The following DAB1 variants were observed in gnomAD, a reference collection of about 807,000 sequenced individuals.
DAB1 encodes the protein DAB adaptor protein 1, also known as disabled homolog 1.
Under a neutral mutation model 64.6 loss-of-function variants are expected in DAB1, and 15 were observed. The ratio of observed to expected loss-of-function variants is 0.23; its 90% confidence interval spans 0.16 to 0.36. The LOEUF (loss-of-function observed/expected upper bound fraction) is 0.36. Among genes scored for constraint, DAB1 ranks in the 10% least tolerant of loss-of-function variants. DAB1 has a pLI of 1.00. For synonymous variants in DAB1, 235 were observed against 251.9 expected (o/e 0.93, Z 0.64); for missense variants, 596 against 706.7 (o/e 0.84, Z 1.78).
chr1:57,404,353 C>T (rs1007383694), intron 1 of DAB1, among the ~76,000 whole-genome samples: 1 of 152,072 alleles, frequency 6.6e-6, no homozygotes, highest in Non-Finnish European at 1.5e-5. Context: ...TGACAATGTG[C>T]TAAATGCTTA....
Position 58,460,071 on chromosome 1 carries a change from T to C in DAB1, n.257+45989A>G, listed in dbSNP as rs186783651. On this transcript the variant is annotated intron_variant and non_coding_transcript_variant, in intron 3 of 20. Coordinates refer to the DAB1 transcript ENST00000485760. ...TCTTGAAAGGAAGAGTACTGAAGAA[T>C]TTGTGGACATATGTTGAAACCACCA... is the stretch of plus-strand genomic sequence containing the variant. Among the ~76,000 whole-genome samples, 10 of 152,348 alleles carry C rather than the reference T, an allele frequency of 6.6e-5. No individual in the cohort carries two copies. In the East Asian group the frequency reaches 1.7e-3, roughly 26 times the overall value.
intron 5 of DAB1, among the ~76,000 whole-genome samples, chr1:58,035,805 G>C (rs1276798880): frequency 6.6e-6 from 1 of 152,188 alleles, no homozygotes; most frequent in African/African-American, 2.4e-5. Context: ...GGCCTATGGG[G>C]AGACTTGAGG....
chr1:57,596,314 A>T (rs1645508957), intron 7 of DAB1, among the ~76,000 whole-genome samples: 1 of 151,372 alleles, frequency 6.6e-6, no homozygotes, highest in Admixed American at 6.6e-5. Context: ...TGTTATTTTA[A>T]TTGTCACTTC....
chr1:58,319,203 G>A (rs895329204), intron 4 of DAB1, among the ~76,000 whole-genome samples: 1 of 152,082 alleles, frequency 6.6e-6, no homozygotes, highest in Non-Finnish European at 1.5e-5. Context: ...TTGAACATGG[G>A]TGTCTGAATT....
In DAB1 at chr1:56,995,128, A is replaced by C. The variant is rs1272639123; in HGVS notation, c.*3016T>G. 1 of 152,248 alleles carries C rather than the reference A, an allele frequency of 6.6e-6. No homozygotes were observed. The highest frequency in any genetic ancestry group is 2.4e-5 in the African/African-American group (1 of 41,466). The allele number at this position is 152,248 out of a possible 1,614,324, so 9.4% of individuals were successfully genotyped here. A position where few individuals can be genotyped will look rare whatever the true frequency, so the allele number is the denominator to read the frequency against. On this transcript the variant is annotated 3_prime_UTR_variant, in exon 15 of 15. Coordinates refer to ENST00000371236, the MANE Select transcript of DAB1 (RefSeq NM_001365792.1). ...TGGGATGAGTACGAGCTATCAAAAA[A>C]GTCTTGCGGCATGTAAAGATTGAAG...
At chr1:57,011,412 A>G in intron 12 of DAB1, 140 bp from the exon 13 acceptor site, 1 of 1,030,856 alleles carries the variant, frequency 9.7e-7, no homozygotes. Context: ...TCAGTTGAAT[A>G]TTTGAATTCT....
intron 4 of DAB1, among the ~76,000 whole-genome samples, chr1:58,248,811 CA>C (rs1347111141): frequency 9.9e-5 from 15 of 152,126 alleles, no homozygotes; most frequent in Admixed American, 2.0e-4. Flanking sequence ...AAGGAAACCC[CA>C]CTCTGCAGCA....
chr1:57,410,196 A>T (rs833615), intron 1 of DAB1, among the ~76,000 whole-genome samples: 2,735 of 151,692 alleles, frequency 0.018, 79 homozygotes, highest in African/African-American at 0.062. Flanking sequence ...AATGTAGAAA[A>T]CTCTTCTTTT....
intron 7 of DAB1, among the ~76,000 whole-genome samples, chr1:57,535,729 G>A (rs1644719574): frequency 6.6e-6 from 1 of 152,048 alleles, no homozygotes; most frequent in South Asian, 2.1e-4. Flanking sequence ...CAAAGTGCTG[G>A]GATTACAGGC....
chr1:57,421,559 C>T (rs1012340635), intron 1 of DAB1, among the ~76,000 whole-genome samples: 8 of 152,162 alleles, frequency 5.3e-5, no homozygotes, highest in African/African-American at 1.7e-4. Context: ...CCTCTTTTCT[C>T]ATCCCTGCGG....
intron 4 of DAB1, among the ~76,000 whole-genome samples, chr1:58,339,899 A>G (rs903049444): frequency 1.3e-5 from 2 of 152,200 alleles, no homozygotes; most frequent in Non-Finnish European, 2.9e-5. Context: ...CTGCAATTTT[A>G]GGAATGATTA....
intron 5 of DAB1, among the ~76,000 whole-genome samples, chr1:57,949,511 A>ATCTATC (rs1645237507): frequency 7.3e-6 from 1 of 137,128 alleles, no homozygotes; most frequent in Admixed American, 7.7e-5. Flanking sequence ...ATCTATCTAT[A>ATCTATC]TCTGTCTGTC....
intron 5 of DAB1, among the ~76,000 whole-genome samples, chr1:58,107,469 CAAA>C (rs768255896): frequency 1.9e-5 from 2 of 107,230 alleles, no homozygotes; most frequent in Non-Finnish European, 4.0e-5. Flanking sequence ...ACTCCATCTC[CAAA>C]AAAAAAAAAA....
chr1:58,252,592 A>G (rs1459801213), intron 4 of DAB1, among the ~76,000 whole-genome samples: 5 of 152,200 alleles, frequency 3.3e-5, no homozygotes, highest in African/African-American at 4.8e-5. Flanking sequence ...TGATATCAGT[A>G]TAGTGTAACA....
At chr1:57,959,273 T>C (rs1645461902) in intron 5 of DAB1, among the ~76,000 whole-genome samples, 1 of 152,224 alleles carries the variant, frequency 6.6e-6, no homozygotes, top group Non-Finnish European at 1.5e-5. Context: ...GGGTCAAATA[T>C]AGCAAAATAT....
At chr1:57,377,409 A>G (rs1680995649) in intron 1 of DAB1, among the ~76,000 whole-genome samples, 1 of 152,194 alleles carries the variant, frequency 6.6e-6, no homozygotes, top group Admixed American at 6.5e-5. Context: ...ATACCTGAGC[A>G]CCACTTCTTG....
At position 58,362,028 on chromosome 1, in the gene DAB1, A is replaced by T. The variant is rs966393956; in HGVS notation, n.258-18625T>A. Among the ~76,000 whole-genome samples, 8 of 151,688 alleles carry T rather than the reference A, an allele frequency of 5.3e-5. 1 individual carries two copies. In the South Asian group the frequency reaches 6.3e-4, roughly 12 times the overall value. ...TACAGGTGCATGCCACCACACCCAGATAATTTTTGTATTTTTAGTAGAGAT... is the reference window on the plus strand; with the variant it reads ...TACAGGTGCATGCCACCACACCCAGTTAATTTTTGTATTTTTAGTAGAGAT... On this transcript the variant is annotated intron_variant and non_coding_transcript_variant, in intron 3 of 20. Coordinates refer to the DAB1 transcript ENST00000485760.
intron 9 of DAB1, among the ~76,000 whole-genome samples, chr1:57,031,125 C>A (rs182924786): frequency 6.6e-6 from 1 of 152,080 alleles, no homozygotes; most frequent in Non-Finnish European, 1.5e-5. Flanking sequence ...AAGGATTAAA[C>A]GAGAAAAACA....
intron 3 of DAB1, among the ~76,000 whole-genome samples, chr1:57,138,971 A>T (rs1244220025): frequency 6.6e-6 from 1 of 152,154 alleles, no homozygotes; most frequent in Non-Finnish European, 1.5e-5. Flanking sequence ...CAGGAACTCA[A>T]AGAGAAGGAA....
Sources: allele counts gnomAD v4.1 joint callset (sites outside exome capture counted in the v4.1 genomes callset), GRCh38; gene constraint gnomAD v4.1.1; transcripts MANE v1.5; gene names NCBI Gene and HGNC (gene_info 2026-07-23, HGNC 2026-07-21).